The following NFIB variants were observed in gnomAD, a reference collection of about 807,000 sequenced individuals.
NFIB encodes the protein nuclear factor 1 B-type.
NFIB carries 11 observed loss-of-function variants against 61.5 expected under a neutral mutation model. That is an observed-to-expected ratio of 0.18 (90% CI 0.11 to 0.30). The LOEUF is 0.30. NFIB is among the 10% of genes least tolerant of loss of function. NFIB has a pLI of 1.00. For missense variants in NFIB, 471 were observed against 608.9 expected (o/e 0.77, Z 2.38); for synonymous variants, 260 against 216.5 (o/e 1.20, Z -1.76).
intron 3 of NFIB, among the ~76,000 whole-genome samples, chr9:14,173,617 C>T (rs1370268654): frequency 2.0e-5 from 3 of 152,038 alleles, no homozygotes; most frequent in Non-Finnish European, 4.4e-5. Flanking sequence ...ATAGACAGCT[C>T]TTTCTGAATT....
the NFIB span, among the ~76,000 whole-genome samples, chr9:14,464,191 A>G: frequency 6.6e-6 from 1 of 152,230 alleles, no homozygotes; most frequent in Non-Finnish European, 1.5e-5. Context: ...TGATAATCAA[A>G]CAATGCCTTA....
intron 2 of NFIB, among the ~76,000 whole-genome samples, chr9:14,201,830 A>G (rs2049065635): frequency 6.6e-6 from 1 of 152,186 alleles, no homozygotes; most frequent in Non-Finnish European, 1.5e-5. Flanking sequence ...TGAGCTATCA[A>G]TTTATACAGG....
intron 6 of NFIB, among the ~76,000 whole-genome samples, chr9:14,138,288 A>T (rs1024487678): frequency 4.6e-5 from 7 of 152,194 alleles, no homozygotes; most frequent in Non-Finnish European, 8.8e-5. Flanking sequence ...TCCATGTTTC[A>T]TTTACATGTG....
At chr9:14,460,323 A>G in the NFIB span, among the ~76,000 whole-genome samples, 1 of 149,506 alleles carries the variant, frequency 6.7e-6, no homozygotes, top group South Asian at 2.2e-4. Flanking sequence ...AACAATGAGA[A>G]CACTTGGACA....
At chr9:14,421,078 C>G in the NFIB span, among the ~76,000 whole-genome samples, 1 of 113,412 alleles carries the variant, frequency 8.8e-6, no homozygotes, top group East Asian at 2.3e-4. Flanking sequence ...AGCTCTGGAT[C>G]TTTGGCAAAA....
In NFIB at chr9:14,155,789, C is replaced by G. The variant is rs781370248; in HGVS notation, c.685+36G>C. ...AAAATATAAAGTATTTTAAATCATA[C>G]TGCATGCTTAAGTAGTAACAAAACA... On this transcript the variant is annotated intron_variant, in intron 4 of 10. Coordinates refer to ENST00000380953, the MANE Select transcript of NFIB (RefSeq NM_001190737.2). The G allele has an allele frequency of 3.1e-6, 4 of 1,285,998 alleles. No individual in the cohort carries two copies. In the East Asian group the frequency reaches 9.7e-5, roughly 31 times the overall value. The allele number at this position is 1,285,998 out of a possible 1,614,324, so 79.7% of individuals were successfully genotyped here. A position where few individuals can be genotyped will look rare whatever the true frequency, so the allele number is the denominator to read the frequency against.
chr9:14,315,611 G>T (rs1297041902), upstream of NFIB, among the ~76,000 whole-genome samples: 1 of 146,644 alleles, frequency 6.8e-6, no homozygotes, highest in African/African-American at 2.5e-5. Flanking sequence ...GCCGCTCGGC[G>T]CCCGCGCCGG....
intron 10 of NFIB, among the ~76,000 whole-genome samples, chr9:14,095,485 C>T (rs888480333): frequency 6.6e-6 from 1 of 152,056 alleles, no homozygotes; most frequent in African/African-American, 2.4e-5. Flanking sequence ...GTATTCCTCT[C>T]TACCCTGGGC....
chr9:14,289,002 A>G (rs2058896809), intron 2 of NFIB, among the ~76,000 whole-genome samples: 1 of 151,622 alleles, frequency 6.6e-6, no homozygotes, highest in Non-Finnish European at 1.5e-5. Flanking sequence ...TATTAAACAC[A>G]TACCAAAATA....
intron 1 of NFIB, among the ~76,000 whole-genome samples, chr9:14,355,908 G>GT (rs1270890934): frequency 1.1e-4 from 16 of 151,386 alleles, no homozygotes; most frequent in Non-Finnish European, 2.4e-4. Context: ...AGTGAGCTGA[G>GT]ATCACGCCAC....
chr9:14,333,495 A>G (rs2060846643), intron 1 of NFIB, among the ~76,000 whole-genome samples: 1 of 152,116 alleles, frequency 6.6e-6, no homozygotes, highest in Non-Finnish European at 1.5e-5. Flanking sequence ...TCTAGGCCCC[A>G]CAACTCCCTA....
intron 3 of NFIB, among the ~76,000 whole-genome samples, chr9:14,173,806 C>G (rs1157288324): frequency 1.3e-5 from 2 of 152,110 alleles, no homozygotes; most frequent in African/African-American, 4.8e-5. Flanking sequence ...GAAAAATCTC[C>G]TTCTCTCAGG....
At chr9:14,379,463 C>T (rs920776694) in intron 1 of NFIB, among the ~76,000 whole-genome samples, 18 of 152,050 alleles carry the variant, frequency 1.2e-4, no homozygotes, top group African/African-American at 3.9e-4. Context: ...CTGTAAGATC[C>T]GAATGCAGGT....
intron 1 of NFIB, among the ~76,000 whole-genome samples, chr9:14,310,337 G>A (rs935861412): frequency 7.2e-5 from 11 of 152,066 alleles, no homozygotes; most frequent in South Asian, 2.1e-4. Flanking sequence ...TCACTATTAT[G>A]TGAATTCAAG....
chr9:14,511,290 A>T, the NFIB span, among the ~76,000 whole-genome samples: 1 of 151,732 alleles, frequency 6.6e-6, no homozygotes, highest in Non-Finnish European at 1.5e-5. Context: ...GCTTCTTTAA[A>T]TTTTTCCCAT....
At chr9:14,427,297 G>A in the NFIB span, among the ~76,000 whole-genome samples, 1 of 152,144 alleles carries the variant, frequency 6.6e-6, no homozygotes, top group Non-Finnish European at 1.5e-5. Context: ...TACTCATAGT[G>A]AATATTTGTA....
intron 8 of NFIB, among the ~76,000 whole-genome samples, chr9:14,117,658 A>G (rs555935324): frequency 3.6e-4 from 55 of 152,308 alleles, no homozygotes; most frequent in Middle Eastern, 3.4e-3. Context: ...TATTTATTCT[A>G]TAAAGAAAAT....
intron 1 of NFIB, among the ~76,000 whole-genome samples, chr9:14,389,682 G>T (rs552135072): frequency 1.3e-5 from 2 of 151,998 alleles, no homozygotes; most frequent in South Asian, 4.2e-4. Flanking sequence ...TCTCATAATG[G>T]GTCCTCCTCA....
intron 2 of NFIB, among the ~76,000 whole-genome samples, chr9:14,287,472 G>A (rs1302297404): frequency 2.6e-5 from 4 of 151,758 alleles, no homozygotes; most frequent in Admixed American, 2.6e-4. Context: ...TGCTCAGGCC[G>A]CAGCGCAATG....
Sources: gnomAD v4.1 joint callset for allele counts (sites outside exome capture counted in the v4.1 genomes callset) on GRCh38, gnomAD v4.1.1 for gene constraint, MANE v1.5 for transcripts, NCBI Gene and HGNC (gene_info 2026-07-23, HGNC 2026-07-21) for gene names.